CYP4F8: variants seen among roughly 807,000 people sequenced by gnomAD.
CYP4F8 encodes cytochrome P450 4F8.
In CYP4F8, 56 loss-of-function variants were observed where a neutral mutation model predicts 55.0. The observed-to-expected ratio is 1.02, with a 90% CI of 0.82 to 1.27. The LOEUF (loss-of-function observed/expected upper bound fraction) is 1.27, where lower values mean the gene tolerates loss of function less well. Ranked by LOEUF, CYP4F8 falls within the 50% of genes most tolerant of loss-of-function variation. The pLI is 0.00. For missense variants in CYP4F8, 680 were observed against 682.4 expected, an observed-to-expected ratio of 1.00 and a Z score of 0.04; for synonymous variants, 288 against 267.3, an observed-to-expected ratio of 1.08 and a Z score of -0.76.
chr19:15,628,169 TG>T (rs1256644649), intron 9 of CYP4F8, 132 bp from the exon 10 acceptor site: 2 of 1,386,050 alleles, frequency 1.4e-6, no homozygotes, highest in East Asian at 4.6e-5. Flanking sequence ...GGTTTTCTAA[TG>T]CTTACATCTT....
At chr19:15,622,102 G>T (rs2144606078) in intron 5 of CYP4F8, 117 bp from the exon 6 acceptor site, 3 of 1,367,918 alleles carry the variant, frequency 2.2e-6, no homozygotes, top group East Asian at 2.6e-5. Flanking sequence ...GAGGATGGGG[G>T]TCTGGGACAG....
At chr19:15,618,380 G>T in intron 3 of CYP4F8, 1 of 682,970 alleles carries the variant, frequency 1.5e-6, no homozygotes, top group Non-Finnish European at 2.6e-6. Context: ...GCCCCGAGAA[G>T]CCTTAATCCA....
At chr19:15,622,516 C>G (rs1213284106) in intron 6 of CYP4F8, among the ~76,000 whole-genome samples, 176 bp downstream of exon 6, 1 of 151,906 alleles carries the variant, frequency 6.6e-6, no homozygotes, top group African/African-American at 2.4e-5. Flanking sequence ...GAAGTTTCCT[C>G]CAAACAAGTG....
chr19:15,626,245 T>G (rs998601015), intron 9 of CYP4F8, among the ~76,000 whole-genome samples: 6 of 152,232 alleles, frequency 3.9e-5, no homozygotes, highest in Non-Finnish European at 8.8e-5. Context: ...GGAACCAGCT[T>G]GCTGGGCTGT....
chr19:15,623,048 C>T (rs1417248548), intron 6 of CYP4F8, 57 bp from the exon 7 acceptor site: 2 of 1,562,590 alleles, frequency 1.3e-6, no homozygotes, highest in East Asian at 2.3e-5. Context: ...CTGGAAGGTG[C>T]TCCCAGGCTT....
At chr19:15,620,902 T>C (rs1341893104) in intron 5 of CYP4F8, among the ~76,000 whole-genome samples, 1 of 152,170 alleles carries the variant, frequency 6.6e-6, no homozygotes, top group Non-Finnish European at 1.5e-5. Context: ...TTTTTTCTCC[T>C]GTGAGCTAAT....
rs1232958217 is a variant in CYP4F8, at chr19:15,618,095, C to T, written c.294C>T (p.Ile98=). The T allele has an allele frequency of 1.9e-6, 3 of 1,614,042 alleles. No homozygotes were observed. The African/African-American group carries it at 4.0e-5, about 22-fold the overall frequency. The change falls in exon 3 of 13, where the codon ATC becomes ATT. Residue 98 remains isoleucine, a synonymous_variant. Transcript: ENST00000612078. ...FVRWLGPITP[I]INLCHPDIVR... ...GGTGGTTGGGCCCCATCACTCCCAT[C>T]ATCAACTTGTGCCACCCTGACATCG...
chr19:15,615,433 C>T, intron 1 of CYP4F8, 153 bp downstream of exon 1: 1 of 649,674 alleles, frequency 1.5e-6, no homozygotes, highest in South Asian at 2.3e-5. Context: ...TTTCTGGTCT[C>T]TAGTTTCCTT....
At chr19:15,620,587 T>C (rs1366483288) in intron 5 of CYP4F8, among the ~76,000 whole-genome samples, 1 of 152,112 alleles carries the variant, frequency 6.6e-6, no homozygotes, top group Non-Finnish European at 1.5e-5. Flanking sequence ...AGACAGGGTT[T>C]CACCATGTTG....
At chr19:15,626,016 G>T (rs1972257707) in intron 9 of CYP4F8, among the ~76,000 whole-genome samples, 1 of 152,148 alleles carries the variant, frequency 6.6e-6, no homozygotes, top group African/African-American at 2.4e-5. Flanking sequence ...CAGCACCGTG[G>T]TTGCATGCTA....
intron 5 of CYP4F8, 53 bp from the exon 6 acceptor site, chr19:15,622,166 G>A (rs1972201906): frequency 1.9e-6 from 3 of 1,572,776 alleles, no homozygotes; most frequent in Admixed American, 2.0e-5. Context: ...GGGTTGCAGG[G>A]GGACTCAGAG....
In CYP4F8 at chr19:15,623,232, G is replaced by C. The variant is rs767757124; in HGVS notation, c.775G>C (p.Ala259Pro). Residue 259 changes from alanine (A) to proline (P), a missense_variant, in exon 7 of 13, where the codon GCC (alanine) becomes CCC (proline). Transcript: ENST00000612078. ...TCCCTGTGGACGGCGCTTCCACAGG[G>C]CCTGCAGACTGGTGCACGACTTCAC... is the stretch of plus-strand genomic sequence containing the variant. ...LTPCGRRFHR[A>P]CRLVHDFTDA... 6.2e-7 allele frequency: 1 copy of C among 1,613,942 alleles called. No homozygotes were observed. The highest frequency in any genetic ancestry group is 1.3e-5 in the African/African-American group (1 of 74,874).
At position 15,624,039 on chromosome 19, in the gene CYP4F8, T is replaced by G. The variant is rs757249194; in HGVS notation, c.1060T>G (p.Cys354Gly). 8.7e-6 allele frequency: 14 copies of G among 1,614,018 alleles called. No individual in the cohort carries two copies. The highest frequency in any genetic ancestry group is 1.7e-5 in the Admixed American group (1 of 59,996). The change falls in exon 9 of 13, where the codon TGC (cysteine) becomes GGC (glycine). Residue 354 changes from cysteine (C) to glycine (G), a missense_variant. Coordinates refer to ENST00000612078, the MANE Select transcript of CYP4F8 (RefSeq NM_007253.4). Reference protein sequence around the residue: ...LARHPEYQERCRQEVQELLKD... With the variant: ...LARHPEYQERGRQEVQELLKD... ...GAGGCACCCAGAATACCAAGAACGCTGCCGGCAGGAGGTGCAAGAGCTTCT... is the reference window on the plus strand; with the variant it reads ...GAGGCACCCAGAATACCAAGAACGCGGCCGGCAGGAGGTGCAAGAGCTTCT...
chr19:15,615,490 C>G, intron 1 of CYP4F8, 126 bp from the exon 2 acceptor site: 2 of 1,149,364 alleles, frequency 1.7e-6, no homozygotes, highest in Non-Finnish European at 2.4e-6. Flanking sequence ...CCCTTGGCCT[C>G]TTCCCCTGAG....
chr19:15,628,834 C>G lies in CYP4F8; in HGVS notation c.1388C>G (p.Ala463Gly), dbSNP rs764392352. ...RSPMAFIPFSAGPRNCIGQKF... is the reference protein window; with the variant it reads ...RSPMAFIPFSGGPRNCIGQKF... ...CCTATGGCTTTTATTCCTTTCTCGG[C>G]GGGGCCCAGGTGAGGCCAGGGGGTG... The change falls in exon 12 of 13, where the codon GCG becomes GGG. Residue 463 changes from alanine (A) to glycine (G), a missense_variant. Transcript: ENST00000612078. 3.1e-6 allele frequency: 5 copies of G among 1,601,486 alleles called. No homozygotes were observed. The highest frequency in any genetic ancestry group is 1.3e-5 in the African/African-American group (1 of 74,202).
chr19:15,629,486 C>G lies in CYP4F8; in HGVS notation c.*128C>G. The G allele has an allele frequency of 3.8e-6, 5 of 1,311,292 alleles. No homozygotes were observed. The highest frequency in any genetic ancestry group is 3.1e-5 in the South Asian group (2 of 63,494). The allele number at this position is 1,311,292 out of a possible 1,614,324, so 81.2% of individuals were successfully genotyped here. On this transcript the variant is annotated 3_prime_UTR_variant, in exon 13 of 13. Coordinates refer to ENST00000612078, the MANE Select transcript of CYP4F8 (RefSeq NM_007253.4). ...TCCCGCGGATGGCCAGTAGGGGGCGCTGGAGGACTGCGGGGATCTAGGGCC... is the reference window on the plus strand; with the variant it reads ...TCCCGCGGATGGCCAGTAGGGGGCGGTGGAGGACTGCGGGGATCTAGGGCC...
In CYP4F8 at chr19:15,615,685, G is replaced by C; in HGVS notation, c.69G>C (p.Leu23=). 3.7e-6 allele frequency: 6 copies of C among 1,614,004 alleles called. No homozygotes were observed. Among genetic ancestry groups the C allele is most frequent in the Non-Finnish European group, 5.1e-6 (6 of 1,179,942 alleles). Residue 23 remains leucine (L), a synonymous_variant, in exon 2 of 13, where the codon CTG becomes CTC. Coordinates refer to ENST00000612078, the MANE Select transcript of CYP4F8 (RefSeq NM_007253.4). ...CAGCATCCCCGTGGCTGCTCCTGCT[G>C]GTGGTCGGGGCCTCCTGGCTCCTGG... ...PVAASPWLLL[L]VVGASWLLAR...
intron 3 of CYP4F8, chr19:15,618,647 C>T (rs954323760): frequency 3.2e-5 from 9 of 276,976 alleles, no homozygotes; most frequent in East Asian, 1.9e-4. Flanking sequence ...TTCAAGGCTC[C>T]GGGCCAGGCT....
rs1972145216 is a variant in CYP4F8, at chr19:15,618,022, T to G, written c.221T>G (p.Leu74Trp). The change falls in exon 3 of 13, where the codon TTG becomes TGG. Residue 74 changes from leucine to tryptophan, a missense_variant. Transcript: ENST00000612078. ...LGLVTPTEEG[L>W]RVLTQLVATY... is the part of the protein sequence containing the mutation. ...CAGGTCACTCCCACAGAGGAGGGCT[T>G]GAGGGTCCTGACCCAGCTGGTGGCC... is the stretch of plus-strand genomic sequence containing the variant. 1 of 1,613,930 alleles carries G rather than the reference T, an allele frequency of 6.2e-7. No homozygotes were observed. Among genetic ancestry groups the G allele is most frequent in the Non-Finnish European group, 8.5e-7 (1 of 1,179,938 alleles).
Sources: gnomAD v4.1 joint callset for allele counts (sites outside exome capture counted in the v4.1 genomes callset) on GRCh38, gnomAD v4.1.1 for gene constraint, MANE v1.5 for transcripts, NCBI Gene and HGNC (gene_info 2026-07-23, HGNC 2026-07-21) for gene names.